Variants in PPARGC1A observed in about 807,000 individuals in gnomAD.
PPARGC1A encodes peroxisome proliferator-activated receptor gamma coactivator 1-alpha.
Under a neutral mutation model 88.7 loss-of-function variants are expected in PPARGC1A, and 25 were observed. That is an observed-to-expected ratio of 0.28 (90% CI 0.21 to 0.39). The LOEUF is 0.39. PPARGC1A is among the 10% of genes least tolerant of loss of function. The probability of loss-of-function intolerance (pLI) is 1.00; values close to 1 mark genes in which losing one functional copy is unlikely to be tolerated. For missense variants in PPARGC1A, 880 were observed against 968.7 expected, an observed-to-expected ratio of 0.91 and a Z score of 1.22; for synonymous variants, 363 against 355.6, an observed-to-expected ratio of 1.02 and a Z score of -0.24.
Position 23,866,487 on chromosome 4 carries a change from T to C in PPARGC1A, c.234+18265A>G, listed in dbSNP as rs547244511. On this transcript the variant is annotated intron_variant, in intron 2 of 12. Transcript: ENST00000264867. Reference sequence around the variant, plus strand: ...TATTGGGATGTTTTAAAAATCTATATGAAAAAAGCTCTTAACACAAGATAG... The same window carrying C: ...TATTGGGATGTTTTAAAAATCTATACGAAAAAAGCTCTTAACACAAGATAG... Among the ~76,000 whole-genome samples the C allele has an allele frequency of 2.6e-5, 4 of 152,324 alleles. No individual in the cohort carries two copies. The South Asian group carries it at 8.3e-4, about 32-fold the overall frequency.
chr4:24,452,521 G>A, the PPARGC1A span, among the ~76,000 whole-genome samples: 1 of 152,244 alleles, frequency 6.6e-6, no homozygotes, highest in East Asian at 1.9e-4. Context: ...TCGCTTCCTT[G>A]TTGACAGCCA....
chr4:23,799,183 A>G (rs1412880043), intron 12 of PPARGC1A, among the ~76,000 whole-genome samples: 1 of 152,234 alleles, frequency 6.6e-6, no homozygotes. Context: ...TGGTGAGCAC[A>G]AGAATATTTG....
At chr4:24,052,945 G>A in the PPARGC1A span, among the ~76,000 whole-genome samples, 1 of 126,514 alleles carries the variant, frequency 7.9e-6, no homozygotes, top group Non-Finnish European at 1.6e-5. Context: ...CTCACTGCAA[G>A]CTCCACCTCC....
At chr4:24,339,210 GTGTATATA>G in the PPARGC1A span, among the ~76,000 whole-genome samples, 2,072 of 110,502 alleles carry the variant, frequency 0.019, 30 homozygotes, top group East Asian at 0.076. Context: ...GTGTGTGTGT[GTGTATATA>G]TATATATATA....
the PPARGC1A span, among the ~76,000 whole-genome samples, chr4:24,211,368 G>A: frequency 6.6e-6 from 1 of 152,136 alleles, no homozygotes; most frequent in Non-Finnish European, 1.5e-5. Context: ...ACCTAAGTGA[G>A]GTAACTAGAA....
At chr4:23,849,318 A>C (rs962559185) in intron 2 of PPARGC1A, among the ~76,000 whole-genome samples, 3 of 152,248 alleles carry the variant, frequency 2.0e-5, no homozygotes, top group African/African-American at 7.2e-5. Context: ...AACATAACTT[A>C]AGAAGGAACG....
intron 7 of PPARGC1A, among the ~76,000 whole-genome samples, chr4:23,815,713 TGAA>T (rs1288735945): frequency 6.6e-6 from 1 of 152,144 alleles, no homozygotes; most frequent in Non-Finnish European, 1.5e-5. Flanking sequence ...CAAGGAACTT[TGAA>T]GAAGGGCAGG....
intron 5 of PPARGC1A, among the ~76,000 whole-genome samples, chr4:23,827,386 C>T (rs186883049): frequency 4.0e-5 from 6 of 151,782 alleles, no homozygotes; most frequent in African/African-American, 1.5e-4. Context: ...AAATCACTGG[C>T]TCCCACTCTG....
At chr4:24,426,543 GA>G in the PPARGC1A span, among the ~76,000 whole-genome samples, 1 of 152,250 alleles carries the variant, frequency 6.6e-6, no homozygotes, top group Admixed American at 6.5e-5. Flanking sequence ...AAGGAAAAGT[GA>G]AAATAGTACA....
intron 2 of PPARGC1A, among the ~76,000 whole-genome samples, chr4:23,854,760 A>C (rs1729885993): frequency 6.6e-6 from 1 of 152,070 alleles, no homozygotes; most frequent in Admixed American, 6.6e-5. Flanking sequence ...TTATATTCCA[A>C]GTATCTAATA....
chr4:23,813,573 A>G, intron 8 of PPARGC1A, 117 bp downstream of exon 8: 3 of 901,948 alleles, frequency 3.3e-6, no homozygotes, highest in Non-Finnish European at 4.9e-6. Flanking sequence ...GCAGTGCCAG[A>G]ATTGCAGTGG....
chr4:23,936,645 G>T, the PPARGC1A span, among the ~76,000 whole-genome samples: 1 of 152,140 alleles, frequency 6.6e-6, no homozygotes, highest in South Asian at 2.1e-4. Context: ...GCCGAGGCGG[G>T]TGGATCACTT....
chr4:23,993,773 T>C, the PPARGC1A span, among the ~76,000 whole-genome samples: 1 of 152,254 alleles, frequency 6.6e-6, no homozygotes, highest in Admixed American at 6.5e-5. Context: ...CACCAGGCTA[T>C]TGGAAAGTCA....
At chr4:23,937,205 G>A in the PPARGC1A span, among the ~76,000 whole-genome samples, 1 of 151,408 alleles carries the variant, frequency 6.6e-6, no homozygotes, top group Admixed American at 6.6e-5. Flanking sequence ...CTCCTGATTT[G>A]TCTTACTTCT....
At chr4:24,221,661 A>T in the PPARGC1A span, among the ~76,000 whole-genome samples, 9 of 152,184 alleles carry the variant, frequency 5.9e-5, no homozygotes, top group Non-Finnish European at 8.8e-5. Flanking sequence ...TAATCTTAGC[A>T]CTTTGGGAGG....
rs1390914937 is a variant in PPARGC1A, at chr4:23,794,171, AAC to A, written c.*1649_*1650del. The A allele has an allele frequency of 1.3e-5, 2 of 152,584 alleles. No homozygotes were observed. Among genetic ancestry groups the A allele is most frequent in the Non-Finnish European group, 2.9e-5 (2 of 68,018 alleles). 9.5% of individuals were successfully genotyped at this position (152,584 alleles called of 1,614,324 possible). On this transcript the variant is annotated 3_prime_UTR_variant, in exon 13 of 13. Transcript: ENST00000264867. ...ATTAAAATCACAAAAATTAAAACAA[AAC>A]AGCATTTTAAAAAGATTTTTGACTT...
intron 12 of PPARGC1A, among the ~76,000 whole-genome samples, chr4:23,801,492 C>T (rs964639041): frequency 2.6e-5 from 4 of 152,100 alleles, no homozygotes; most frequent in Non-Finnish European, 4.4e-5. Context: ...ACATACCTAC[C>T]ACAATTTTCA....
At chr4:24,223,392 G>T in the PPARGC1A span, among the ~76,000 whole-genome samples, 1 of 151,872 alleles carries the variant, frequency 6.6e-6, no homozygotes, top group Non-Finnish European at 1.5e-5. Flanking sequence ...TGGGATTACA[G>T]GCATCCGCAA....
chr4:24,235,807 C>A, the PPARGC1A span, among the ~76,000 whole-genome samples: 5 of 152,196 alleles, frequency 3.3e-5, no homozygotes, highest in African/African-American at 1.2e-4. Flanking sequence ...GTAGACTCAT[C>A]CACAGCTGAT....
Sources: gnomAD v4.1 joint callset for allele counts (sites outside exome capture counted in the v4.1 genomes callset) on GRCh38, gnomAD v4.1.1 for gene constraint, MANE v1.5 for transcripts, NCBI Gene and HGNC (gene_info 2026-07-23, HGNC 2026-07-21) for gene names.